Variants in MET observed in about 807,000 individuals in gnomAD.
MET encodes hepatocyte growth factor receptor.
MET carries 48 observed loss-of-function variants against 133.1 expected under a neutral mutation model. The observed-to-expected ratio is 0.36, with a 90% CI of 0.29 to 0.46. The LOEUF (loss-of-function observed/expected upper bound fraction) is 0.46, where lower values mean the gene tolerates loss of function less well. MET is among the 20% of genes least tolerant of loss of function. The probability of loss-of-function intolerance (pLI) is 1.00; values close to 1 mark genes in which losing one functional copy is unlikely to be tolerated. For missense variants in MET, 1,442 were observed against 1,695.9 expected, an observed-to-expected ratio of 0.85 and a Z score of 2.63; for synonymous variants, 628 against 616.5, an observed-to-expected ratio of 1.02 and a Z score of -0.28.
intron 15 of MET, among the ~76,000 whole-genome samples, chr7:116,777,008 T>A (rs1271566452): frequency 6.6e-6 from 1 of 152,224 alleles, no homozygotes; most frequent in Non-Finnish European, 1.5e-5. Context: ...GGGTTAACTT[T>A]ATTTTCATAT....
At chr7:116,676,817 T>C (rs1228229618) in intron 1 of MET, among the ~76,000 whole-genome samples, 1 of 152,116 alleles carries the variant, frequency 6.6e-6, no homozygotes, top group East Asian at 1.9e-4. Flanking sequence ...CAACTGTCCA[T>C]AGACTCCCTG....
At chr7:116,705,040 A>T (rs1161062339) in intron 2 of MET, among the ~76,000 whole-genome samples, 1 of 152,130 alleles carries the variant, frequency 6.6e-6, no homozygotes, top group Non-Finnish European at 1.5e-5. Context: ...AGAGCCATCA[A>T]AGGAAGAAAG....
At chr7:116,759,729 G>A (rs1794324498) in intron 10 of MET, 2 of 501,414 alleles carry the variant, frequency 4.0e-6, no homozygotes, top group Non-Finnish European at 7.3e-6. Context: ...AGACAAGAAT[G>A]AAGATTACCA....
chr7:116,788,164 G>A, intron 19 of MET, among the ~76,000 whole-genome samples: 1 of 152,150 alleles, frequency 6.6e-6, no homozygotes, highest in East Asian at 1.9e-4. Context: ...TGGTTGCCTG[G>A]GGCCAAGAGA....
rs943369262 is a variant in MET at position 116,776,069 on chromosome 7, GT to G, written c.3259+969del. 2.8e-4 allele frequency among the ~76,000 whole-genome samples: 41 copies of G among 147,102 alleles called. No individual in the cohort carries two copies. In the East Asian group the frequency reaches 3.7e-3, roughly 13 times the overall value. ...GGAAATGAACTTCATTCTTCTTGTT[GT>G]TTTTTTTTTTCTAAAAAGCTTTTAC... On this transcript the variant is annotated intron_variant, in intron 15 of 20. Coordinates refer to ENST00000397752, the MANE Select transcript of MET (RefSeq NM_000245.4).
intron 19 of MET, among the ~76,000 whole-genome samples, chr7:116,786,410 T>C (rs967896963): frequency 2.0e-5 from 3 of 152,180 alleles, no homozygotes; most frequent in Non-Finnish European, 4.4e-5. Context: ...AAAGCAATTA[T>C]TCAGTAGTCC....
At position 116,740,920 on chromosome 7, in the gene MET, C is replaced by T. The variant is rs746546046; in HGVS notation, c.1596C>T (p.Ala532=). The change falls in exon 5 of 21, where the codon GCC becomes GCT. Residue 532 remains alanine, a synonymous_variant. Transcript: ENST00000397752. ...HFQSCSQCLS[A]PPFVQCGWCH... ...AGTCCTGCAGTCAATGCCTCTCTGC[C>T]CCACCCTTTGTTCAGTGTGGCTGGT... The T allele has an allele frequency of 6.2e-6, 10 of 1,614,044 alleles. No homozygotes were observed. The highest frequency in any genetic ancestry group is 1.6e-4 in the Middle Eastern group (1 of 6,084).
chr7:116,672,572 C>A lies in MET; in HGVS notation c.-20C>A, dbSNP rs1796013096. 7.6e-6 allele frequency: 3 copies of A among 392,234 alleles called. No individual in the cohort carries two copies. Among genetic ancestry groups the A allele is most frequent in the Non-Finnish European group, 1.4e-5 (3 of 221,978 alleles). The allele number at this position is 392,234 out of a possible 1,614,324, so 24.3% of individuals were successfully genotyped here. A position where few individuals can be genotyped will look rare whatever the true frequency, so the allele number is the denominator to read the frequency against. On this transcript the variant is annotated 5_prime_UTR_variant, in exon 1 of 21. Coordinates refer to ENST00000397752, the MANE Select transcript of MET (RefSeq NM_000245.4). Reference sequence around the variant, plus strand: ...GACTTCTCCACTGGTTCCTGGGCACCGAAAGGTAAAATTGCAGCCCCTTTC... The same window carrying A: ...GACTTCTCCACTGGTTCCTGGGCACAGAAAGGTAAAATTGCAGCCCCTTTC...
chr7:116,717,379 T>C (rs1250885143), intron 2 of MET, among the ~76,000 whole-genome samples: 1 of 152,234 alleles, frequency 6.6e-6, no homozygotes, highest in African/African-American at 2.4e-5. Flanking sequence ...AGTTCCACAC[T>C]GTCCTCTCTC....
chr7:116,698,522 G>A (rs541305999), intron 1 of MET, among the ~76,000 whole-genome samples: 1 of 152,164 alleles, frequency 6.6e-6, no homozygotes, highest in African/African-American at 2.4e-5. Context: ...TAAACAGCAT[G>A]TGATCATATT....
chr7:116,726,145 A>ATG (rs1325409189), intron 2 of MET, among the ~76,000 whole-genome samples: 109 of 98,516 alleles, frequency 1.1e-3, no homozygotes, highest in Middle Eastern at 0.011. Flanking sequence ...ATATATATGT[A>ATG]TATATATATA....
At chr7:116,724,674 G>T in intron 2 of MET, 1 of 494,804 alleles carries the variant, frequency 2.0e-6, no homozygotes, top group Non-Finnish European at 3.8e-6. Flanking sequence ...TTACTCCTTG[G>T]AATCGGAAAA....
chr7:116,756,919 T>C (rs1794200330), intron 6 of MET, among the ~76,000 whole-genome samples: 1 of 152,170 alleles, frequency 6.6e-6, no homozygotes, highest in African/African-American at 2.4e-5. Flanking sequence ...ATAAGTGCTA[T>C]AGTACCATTA....
At chr7:116,686,581 TC>T (rs781344739) in intron 1 of MET, among the ~76,000 whole-genome samples, 9 of 152,224 alleles carry the variant, frequency 5.9e-5, no homozygotes, top group Non-Finnish European at 1.2e-4. Context: ...TACTGATGTA[TC>T]CCAAGCATCT....
chr7:116,714,851 A>G (rs1214061891), intron 2 of MET, among the ~76,000 whole-genome samples: 8 of 151,900 alleles, frequency 5.3e-5, no homozygotes, highest in Admixed American at 1.3e-4. Context: ...ACATGTGCCA[A>G]CCCCTGCATT....
At chr7:116,793,628 G>A (rs1012135004) in intron 19 of MET, among the ~76,000 whole-genome samples, 4 of 151,998 alleles carry the variant, frequency 2.6e-5, no homozygotes, top group African/African-American at 4.8e-5. Context: ...GCCAGGCGCC[G>A]TGGCTCATGC....
At chr7:116,781,179 C>A (rs1036264842) in intron 17 of MET, among the ~76,000 whole-genome samples, 18 of 152,138 alleles carry the variant, frequency 1.2e-4, no homozygotes, top group African/African-American at 4.3e-4. Flanking sequence ...ACCTGCTTAC[C>A]CTGCCTTACC....
intron 10 of MET, among the ~76,000 whole-genome samples, chr7:116,760,991 T>C (rs923320510): frequency 1.4e-4 from 22 of 152,210 alleles, no homozygotes; most frequent in Non-Finnish European, 2.9e-4. Context: ...GGTGTTGGTA[T>C]GAGACCTTTT....
chr7:116,782,245 G>A, intron 18 of MET, 148 bp downstream of exon 18: 1 of 702,088 alleles, frequency 1.4e-6, no homozygotes, highest in Middle Eastern at 2.3e-4. Context: ...TGTAAGCCCT[G>A]GGGATGTGGG....
Sources: gnomAD v4.1 joint callset for allele counts (sites outside exome capture counted in the v4.1 genomes callset) on GRCh38, gnomAD v4.1.1 for gene constraint, MANE v1.5 for transcripts, NCBI Gene and HGNC (gene_info 2026-07-23, HGNC 2026-07-21) for gene names.